Variants in PDE12 observed in about 807,000 individuals in gnomAD.
PDE12 encodes 2',5'-phosphodiesterase 12.
PDE12 carries 26 observed loss-of-function variants against 45.4 expected under a neutral mutation model. That is an observed-to-expected ratio of 0.57 (90% confidence interval 0.42 to 0.79). PDE12 has a LOEUF of 0.79. Ranked by LOEUF, PDE12 falls within the 30% of genes least tolerant of loss-of-function variation. The probability of loss-of-function intolerance (pLI) is 0.00; values close to 1 mark genes in which losing one functional copy is unlikely to be tolerated. For missense variants in PDE12, 668 were observed against 790.0 expected (o/e 0.85, Z 1.85); for synonymous variants, 283 against 323.9 (o/e 0.87, Z 1.36).
At chr3:57,614,606 C>T in the PDE12 span, among the ~76,000 whole-genome samples, 2 of 142,220 alleles carry the variant, frequency 1.4e-5, no homozygotes, top group Admixed American at 7.4e-5. Flanking sequence ...TGCAGTGGCG[C>T]GATCTCGGCT....
the PDE12 span, chr3:57,646,267 C>T: frequency 1.3e-6 from 2 of 1,581,594 alleles, no homozygotes; most frequent in South Asian, 1.2e-5. Context: ...AGGTTAAGTA[C>T]TGCAGCATCC....
rs996522850 is a variant in PDE12 at position 57,561,883 on chromosome 3, A to C, written c.*1879A>C. 2 of 985,246 alleles carry C rather than the reference A, an allele frequency of 2.0e-6. No individual in the cohort carries two copies. The highest frequency in any genetic ancestry group is 3.5e-5 in the African/African-American group (2 of 57,246). The allele number at this position is 985,246 out of a possible 1,614,324, so 61.0% of individuals were successfully genotyped here. ...ACCTTGAAGTACTTTAAGTACTCCA[A>C]GGGGAAAATTAAAGTGGAAGTTTCT... On this transcript the variant is annotated 3_prime_UTR_variant, in exon 3 of 3. Transcript: ENST00000311180.
chr3:57,556,767 G>A lies in PDE12; in HGVS notation c.388G>A (p.Glu130Lys). The A allele has an allele frequency of 6.2e-7, 1 of 1,608,088 alleles. No homozygotes were observed. Residue 130 changes from glutamate (E) to lysine (K), a missense_variant, in exon 1 of 3, where the codon GAG (glutamate) becomes AAG (lysine). Around this residue, in one of 3 missense-constraint regions of PDE12, gnomAD observed 580 missense variants for 662.9 expected, o/e 0.87. Coordinates refer to ENST00000311180, the MANE Select transcript of PDE12 (RefSeq NM_177966.7). This position sits in a 1 kb window ranked among gnomAD's most constrained non-coding sequence, Gnocchi z 5.0. ...CGTGGTGAAGCTGTACTACCGGGAA[G>A]AGGCAGTGGCTGAGGACGTGCTCAA... Reference protein sequence around the residue: ...EPVVKLYYREEAVAEDVLNVD... With the variant: ...EPVVKLYYREKAVAEDVLNVD...
At chr3:57,620,775 G>T in the PDE12 span, among the ~76,000 whole-genome samples, 1 of 152,106 alleles carries the variant, frequency 6.6e-6, no homozygotes, top group Non-Finnish European at 1.5e-5. Flanking sequence ...TCTGACAGAA[G>T]ATATGAAAGA....
the PDE12 span, among the ~76,000 whole-genome samples, chr3:57,610,193 G>C: frequency 2.0e-5 from 3 of 152,136 alleles, no homozygotes; most frequent in East Asian, 5.8e-4. Context: ...AACGCTTCAT[G>C]CTAAAAACTC....
downstream of PDE12, among the ~76,000 whole-genome samples, chr3:57,568,098 A>G (rs2069802650): frequency 6.7e-6 from 1 of 148,968 alleles, no homozygotes. Flanking sequence ...AAAAAAGTAA[A>G]GCACTTGTTT....
the PDE12 span, among the ~76,000 whole-genome samples, chr3:57,579,003 T>C: frequency 5.3e-5 from 8 of 152,214 alleles, 1 homozygote; most frequent in South Asian, 1.5e-3. Flanking sequence ...TACTGATTTA[T>C]GTAAGTAACG....
chr3:57,647,519 T>C, the PDE12 span, among the ~76,000 whole-genome samples: 1 of 152,186 alleles, frequency 6.6e-6, no homozygotes, highest in African/African-American at 2.4e-5. Context: ...TGGTGAGCAA[T>C]GTATACATGT....
At chr3:57,584,495 A>G in the PDE12 span, 3 of 1,557,312 alleles carry the variant, frequency 1.9e-6, no homozygotes, top group South Asian at 1.1e-5. Flanking sequence ...TTTAAAATCC[A>G]GACCAAAAGC....
chr3:57,609,710 A>T, the PDE12 span, among the ~76,000 whole-genome samples: 1 of 152,190 alleles, frequency 6.6e-6, no homozygotes, highest in African/African-American at 2.4e-5. Flanking sequence ...TGAATAGACC[A>T]ATAACAGGCT....
At chr3:57,597,230 G>C in the PDE12 span, 1 of 1,254,422 alleles carries the variant, frequency 8.0e-7, no homozygotes, top group South Asian at 1.3e-5. Flanking sequence ...CAAACTAAAC[G>C]AGAGGGAAGA....
At chr3:57,631,194 G>A in the PDE12 span, 1 of 518,504 alleles carries the variant, frequency 1.9e-6, no homozygotes, top group Non-Finnish European at 3.4e-6. Context: ...TAAACCAAGG[G>A]GACTACATTT....
At chr3:57,614,381 AGTTT>A in the PDE12 span, among the ~76,000 whole-genome samples, 1 of 152,120 alleles carries the variant, frequency 6.6e-6, no homozygotes, top group South Asian at 2.1e-4. Flanking sequence ...CTGCTGCTTT[AGTTT>A]GTGTTTTTAG....
At chr3:57,638,156 ACTT>A in the PDE12 span, among the ~76,000 whole-genome samples, 1 of 151,976 alleles carries the variant, frequency 6.6e-6, no homozygotes, top group Non-Finnish European at 1.5e-5. Context: ...AATAAAATAA[ACTT>A]CTGTGCATCA....
chr3:57,582,899 A>G, the PDE12 span, among the ~76,000 whole-genome samples: 3 of 152,212 alleles, frequency 2.0e-5, no homozygotes, highest in Admixed American at 2.0e-4. Flanking sequence ...CCTCATATGT[A>G]AGAGAGTTAG....
the PDE12 span, among the ~76,000 whole-genome samples, chr3:57,577,699 T>C: frequency 3.3e-5 from 5 of 152,150 alleles, no homozygotes; most frequent in South Asian, 8.3e-4. Context: ...GGTACCAAAA[T>C]AGCCACAAAG....
chr3:57,632,878 C>T, the PDE12 span, among the ~76,000 whole-genome samples: 1 of 152,148 alleles, frequency 6.6e-6, no homozygotes, highest in Non-Finnish European at 1.5e-5. Context: ...GACATTATAT[C>T]AAATTGTATT....
chr3:57,618,410 T>A, the PDE12 span, among the ~76,000 whole-genome samples: 1 of 151,872 alleles, frequency 6.6e-6, no homozygotes, highest in Non-Finnish European at 1.5e-5. Flanking sequence ...TGTTTTATGG[T>A]AGATCTTTTT....
rs199865456 is a variant in PDE12 at position 57,560,002 on chromosome 3, T to C, written c.1828T>C (p.Ter610GlnextTer4). 6.3e-6 allele frequency: 10 copies of C among 1,597,108 alleles called. No homozygotes were observed. In the African/African-American group the frequency reaches 8.0e-5, roughly 13 times the overall value. ...ACTTGTATGTGATTTAAAATGGAAA[T>C]AGATGTGTGTTTAATGGAATTGAAG... ...IALVCDLKWK[*>Q] The change falls in exon 3 of 3, where the codon TAG (stop) becomes CAG (glutamine). Residue 610 changes from the stop codon to glutamine, a stop_lost. Transcript: ENST00000311180.
Sources: gnomAD v4.1 joint callset for allele counts (sites outside exome capture counted in the v4.1 genomes callset) on GRCh38, gnomAD v4.1.1 for gene constraint, gnomAD v4.1.1 regional missense constraint, Gnocchi (gnomAD v3.1) non-coding constraint, MANE v1.5 for transcripts, NCBI Gene and HGNC (gene_info 2026-07-23, HGNC 2026-07-21) for gene names.